Variants in LCOR observed in about 807,000 individuals in gnomAD.
LCOR encodes ligand-dependent corepressor.
Under a neutral mutation model 64.4 loss-of-function variants are expected in LCOR, and 14 were observed. The observed-to-expected ratio is 0.22, with a 90% CI of 0.14 to 0.34. The LOEUF (loss-of-function observed/expected upper bound fraction) is 0.34, where lower values mean the gene tolerates loss of function less well. LCOR is among the 10% of genes least tolerant of loss of function. The pLI is 1.00. For missense variants in LCOR, 1,686 were observed against 1,765.3 expected, an observed-to-expected ratio of 0.96 and a Z score of 0.80; for synonymous variants, 643 against 642.5, an observed-to-expected ratio of 1.00 and a Z score of -0.01.
At chr10:96,907,459 T>G (rs1225176651) in intron 3 of LCOR, 129 bp downstream of exon 3, 1 of 218,726 alleles carries the variant, frequency 4.6e-6, no homozygotes, top group Non-Finnish European at 7.8e-6. Flanking sequence ...GTAAGCATCT[T>G]TTTGTGTTTA....
chr10:96,893,209 C>T lies in LCOR; in HGVS notation c.-329-14056C>T, dbSNP rs143476508. On this transcript the variant is annotated intron_variant, in intron 2 of 7. Coordinates refer to ENST00000421806, the MANE Select transcript of LCOR (RefSeq NM_001346516.2). ...ACTTTGCTGCTACATAGCTCTCCCC[C>T]CTCCAATAAATCTTTATGCATTGTT... Among the ~76,000 whole-genome samples, 307 of 152,234 alleles carry T rather than the reference C, an allele frequency of 2.0e-3. 2 individuals carry two copies. The highest frequency in any genetic ancestry group is 6.9e-3 in the African/African-American group (288 of 41,542).
chr10:96,920,453 T>C (rs199890070), intron 4 of LCOR, among the ~76,000 whole-genome samples: 1 of 42,034 alleles, frequency 2.4e-5, no homozygotes, highest in African/African-American at 8.6e-5. Flanking sequence ...TGTATATATA[T>C]GTATATTCAT....
At chr10:96,979,972 C>T (rs1219746488) in intron 7 of LCOR, among the ~76,000 whole-genome samples, 1 of 152,048 alleles carries the variant, frequency 6.6e-6, no homozygotes, top group Non-Finnish European at 1.5e-5. Flanking sequence ...GGTGAAACCC[C>T]GTCTCTACTA....
At chr10:96,837,241 TG>T (rs1384543614) in intron 2 of LCOR, among the ~76,000 whole-genome samples, 5 of 151,946 alleles carry the variant, frequency 3.3e-5, no homozygotes, top group Non-Finnish European at 7.4e-5. Flanking sequence ...CTGCCCGCCT[TG>T]GCCTCCCAAA....
chr10:96,841,700 G>C (rs1358462250), intron 2 of LCOR, among the ~76,000 whole-genome samples: 1 of 151,852 alleles, frequency 6.6e-6, no homozygotes, highest in Admixed American at 6.6e-5. Context: ...GTGAACACCA[G>C]TATTATTTCC....
chr10:96,835,865 CAG>C (rs1485514393), intron 2 of LCOR, among the ~76,000 whole-genome samples: 9 of 152,064 alleles, frequency 5.9e-5, no homozygotes, highest in African/African-American at 7.2e-5. Flanking sequence ...TGGGTTCAGA[CAG>C]TGATTATGAT....
In LCOR at chr10:96,988,787, G is replaced by T. The variant is rs1212273616; in HGVS notation, c.*3653G>T. On this transcript the variant is annotated 3_prime_UTR_variant, in exon 8 of 8. Transcript: ENST00000421806. ...CTGCCTTTCGGATTCCAGATGATCT[G>T]TCAAGGGTCTGCCAACTGTGGGCTG... 2 of 152,226 alleles carry T rather than the reference G, an allele frequency of 1.3e-5. No individual in the cohort carries two copies. The highest frequency in any genetic ancestry group is 2.9e-5 in the Non-Finnish European group (2 of 68,050). 9.4% of individuals were successfully genotyped at this position (152,226 alleles called of 1,614,324 possible). A position where few individuals can be genotyped will look rare whatever the true frequency, so the allele number is the denominator to read the frequency against.
rs111974716 is a variant in LCOR, at chr10:96,845,527, C to T, written c.-330+12048C>T. Among the ~76,000 whole-genome samples the T allele has an allele frequency of 1.6e-3, 186 of 118,056 alleles. No individual in the cohort carries two copies. The Middle Eastern group carries it at 0.028, about 18-fold the overall frequency. The allele number at this position is 118,056 out of a possible 152,430, so 77.4% of individuals were successfully genotyped here. A position where few individuals can be genotyped will look rare whatever the true frequency, so the allele number is the denominator to read the frequency against. The stretch of plus-strand genomic sequence containing the variant: ...TGTCGCCCAGGTTGGAGTGCAGTGG[C>T]GTGATCTTGGCTCACTGCAGGCTCT... On this transcript the variant is annotated intron_variant, in intron 2 of 7. Coordinates refer to ENST00000421806, the MANE Select transcript of LCOR (RefSeq NM_001346516.2).
At chr10:96,881,464 T>G (rs1300032428) in intron 2 of LCOR, among the ~76,000 whole-genome samples, 2 of 112,158 alleles carry the variant, frequency 1.8e-5, no homozygotes, top group African/African-American at 4.6e-5. Flanking sequence ...TGTTTTTTGT[T>G]TTTTTTTTTG....
At chr10:96,845,702 C>T (rs901932321) in intron 2 of LCOR, among the ~76,000 whole-genome samples, 17 of 150,986 alleles carry the variant, frequency 1.1e-4, no homozygotes, top group South Asian at 4.2e-4. Flanking sequence ...CTCCTGACCT[C>T]GTGATCTACC....
chr10:96,928,444 G>A (rs1166688468), intron 4 of LCOR, among the ~76,000 whole-genome samples: 1 of 151,898 alleles, frequency 6.6e-6, no homozygotes. Context: ...TCCATAACAA[G>A]CAACTCTTCA....
intron 4 of LCOR, among the ~76,000 whole-genome samples, chr10:96,918,800 T>C (rs1333079092): frequency 6.6e-6 from 1 of 152,154 alleles, no homozygotes; most frequent in Non-Finnish European, 1.5e-5. Flanking sequence ...GACTTTGCCC[T>C]CACAGTGAGA....
intron 2 of LCOR, among the ~76,000 whole-genome samples, chr10:96,889,357 T>G (rs1452086484): frequency 6.6e-6 from 1 of 152,234 alleles, no homozygotes; most frequent in Non-Finnish European, 1.5e-5. Flanking sequence ...ACCACAGGCT[T>G]AGTGGCTTGA....
At chr10:96,874,300 A>G (rs1846127353) in intron 2 of LCOR, among the ~76,000 whole-genome samples, 1 of 152,150 alleles carries the variant, frequency 6.6e-6, no homozygotes, top group South Asian at 2.1e-4. Flanking sequence ...ATTCCATCCA[A>G]TCTTTGATCT....
intron 1 of LCOR, among the ~76,000 whole-genome samples, chr10:96,832,685 C>A (rs1388986572): frequency 6.6e-6 from 1 of 151,068 alleles, no homozygotes; most frequent in Non-Finnish European, 1.5e-5. Flanking sequence ...CCATCCCCGC[C>A]TGCTCGCTCC....
In LCOR at chr10:96,985,044, C is replaced by T. The variant is rs1848136495; in HGVS notation, c.4584C>T (p.Thr1528=). The T allele has an allele frequency of 1.2e-6, 2 of 1,614,164 alleles. No homozygotes were observed. Among genetic ancestry groups the T allele is most frequent in the Non-Finnish European group, 1.7e-6 (2 of 1,180,014 alleles). ...CTCGGGCCAGACCCTCAACGAAAACCCCAGAGAGCAGTGCAGCTCAGAGAA... is the reference window on the plus strand; with the variant it reads ...CTCGGGCCAGACCCTCAACGAAAACTCCAGAGAGCAGTGCAGCTCAGAGAA... The part of the protein sequence containing the change: ...GKTRARPSTK[T]PESSAAQRKR... Residue 1528 remains threonine, a synonymous_variant, in exon 8 of 8, where the codon ACC becomes ACT. Transcript: ENST00000421806.
At chr10:96,938,114 C>T (rs1314825530) in intron 4 of LCOR, among the ~76,000 whole-genome samples, 3 of 151,902 alleles carry the variant, frequency 2.0e-5, no homozygotes, top group Admixed American at 6.6e-5. Flanking sequence ...CCATGCCCAG[C>T]TGTTAATAAT....
intron 4 of LCOR, among the ~76,000 whole-genome samples, chr10:96,913,284 A>G (rs933000877): frequency 2.0e-5 from 3 of 152,354 alleles, no homozygotes; most frequent in Admixed American, 1.3e-4. Context: ...GTTATTTTAT[A>G]TATCAGTGAA....
intron 4 of LCOR, among the ~76,000 whole-genome samples, chr10:96,913,404 A>G (rs1006051137): frequency 9.9e-5 from 15 of 152,192 alleles, no homozygotes; most frequent in African/African-American, 3.6e-4. Flanking sequence ...AATTACTTTT[A>G]GTAGTTAATT....
Sources: allele counts gnomAD v4.1 joint callset (sites outside exome capture counted in the v4.1 genomes callset), GRCh38; gene constraint gnomAD v4.1.1; transcripts MANE v1.5; gene names NCBI Gene and HGNC (gene_info 2026-07-23, HGNC 2026-07-21).